Variants in ZKSCAN3 observed in about 807,000 individuals in gnomAD.
The protein encoded by ZKSCAN3 is zinc finger with KRAB and SCAN domains 3.
Under a neutral mutation model 30.7 loss-of-function variants are expected in ZKSCAN3, and 21 were observed. The ratio of observed to expected loss-of-function variants is 0.68; its 90% CI spans 0.49 to 0.99. ZKSCAN3 has a LOEUF of 0.99. ZKSCAN3 is among the 50% of genes least tolerant of loss of function. The pLI is 0.00. For missense variants in ZKSCAN3, 507 were observed against 647.1 expected (o/e 0.78, Z 2.35); for synonymous variants, 201 against 246.7 (o/e 0.81, Z 1.73).
At chr6:28,361,061 G>C (rs1220707447) in intron 2 of ZKSCAN3, among the ~76,000 whole-genome samples, 1 of 152,134 alleles carries the variant, frequency 6.6e-6, no homozygotes, top group Non-Finnish European at 1.5e-5. Context: ...GGAGCATAGA[G>C]TAATGATAAG....
Position 28,365,502 on chromosome 6 carries a change from G to C in ZKSCAN3, c.834G>C (p.Ser278=). ...ELPEKEHGKI[S]CHLREDIAQI... Reference sequence around the variant, plus strand: ...CAGAAAAGGAGCATGGGAAGATATCGTGCCACCTGAGAGAAGACATTGCCC... The same window carrying C: ...CAGAAAAGGAGCATGGGAAGATATCCTGCCACCTGAGAGAAGACATTGCCC... The change falls in exon 6 of 6, where the codon TCG becomes TCC. Residue 278 remains serine, a synonymous_variant. Coordinates refer to ENST00000252211, the MANE Select transcript of ZKSCAN3 (RefSeq NM_024493.4). 1 of 1,609,786 alleles carries C rather than the reference G, an allele frequency of 6.2e-7. No individual in the cohort carries two copies.
chr6:28,361,074 C>T (rs1037766749), intron 2 of ZKSCAN3, among the ~76,000 whole-genome samples: 20 of 152,128 alleles, frequency 1.3e-4, no homozygotes, highest in Non-Finnish European at 8.8e-5. Context: ...ATGATAAGAA[C>T]GTGTGCTCTG....
intron 1 of ZKSCAN3, among the ~76,000 whole-genome samples, chr6:28,357,179 C>A (rs1346672387): frequency 6.6e-6 from 1 of 152,246 alleles, no homozygotes; most frequent in Non-Finnish European, 1.5e-5. Flanking sequence ...GCGCTCCAAT[C>A]CTGCTGAGTC....
At chr6:28,361,552 T>C in intron 3 of ZKSCAN3, 81 bp downstream of exon 3, 3 of 1,497,542 alleles carry the variant, frequency 2.0e-6, no homozygotes, top group Non-Finnish European at 2.7e-6. Flanking sequence ...AATTCATTGA[T>C]AGGGGGCTTA....
intron 1 of ZKSCAN3, among the ~76,000 whole-genome samples, chr6:28,357,737 G>A (rs1003217047): frequency 1.3e-5 from 2 of 152,208 alleles, no homozygotes; most frequent in Non-Finnish European, 2.9e-5. Flanking sequence ...GGCAGATTGA[G>A]GAGGTGGCAA....
Position 28,366,423 on chromosome 6 carries a change from G to T in ZKSCAN3, c.*138G>T. ...ATCAGGTGTTAGAAAATGTAGACTG[G>T]GTTAGACAAATTATCTTCTAAGTTC... On this transcript the variant is annotated 3_prime_UTR_variant, in exon 6 of 6. Coordinates refer to ENST00000252211, the MANE Select transcript of ZKSCAN3 (RefSeq NM_024493.4). 1.0e-6 allele frequency: 1 copy of T among 967,622 alleles called. No homozygotes were observed. The highest frequency in any genetic ancestry group is 1.4e-6 in the Non-Finnish European group (1 of 695,690). The allele number at this position is 967,622 out of a possible 1,614,324, so 59.9% of individuals were successfully genotyped here. A position where few individuals can be genotyped will look rare whatever the true frequency, so the allele number is the denominator to read the frequency against.
Position 28,365,375 on chromosome 6 carries a change from A to G in ZKSCAN3, c.758-51A>G, listed in dbSNP as rs779224810. ...CTTGCCTCCCTGGTACTCATCACAG[A>G]GCTTTCCTTCCATGGCATAAGCCAC... On this transcript the variant is annotated intron_variant, in intron 5 of 5. Coordinates refer to ENST00000252211, the MANE Select transcript of ZKSCAN3 (RefSeq NM_024493.4). 14 of 1,562,120 alleles carry G rather than the reference A, an allele frequency of 9.0e-6. No individual in the cohort carries two copies. In the East Asian group the frequency reaches 3.1e-4, roughly 35 times the overall value.
Position 28,366,957 on chromosome 6 carries a change from C to G in ZKSCAN3, c.*672C>G, listed in dbSNP as rs1765992644. On this transcript the variant is annotated 3_prime_UTR_variant, in exon 6 of 6. Coordinates refer to ENST00000252211, the MANE Select transcript of ZKSCAN3 (RefSeq NM_024493.4). ...TTGGAGACGTAGTCTTGCTCTGTCG[C>G]CCAGGCTGGAGTGCAGTGGCACAAT... is the stretch of plus-strand genomic sequence containing the variant. 6.6e-6 allele frequency: 1 copy of G among 152,206 alleles called. No homozygotes were observed. The highest frequency in any genetic ancestry group is 1.5e-5 in the Non-Finnish European group (1 of 68,144). The allele number at this position is 152,206 out of a possible 1,614,324, so 9.4% of individuals were successfully genotyped here.
chr6:28,358,899 G>GAAAAAAAAAAAAAA (rs201554097), intron 1 of ZKSCAN3, among the ~76,000 whole-genome samples: 2 of 106,076 alleles, frequency 1.9e-5, no homozygotes, highest in Non-Finnish European at 2.0e-5. Flanking sequence ...AAACAAATAA[G>GAAAAAAAAAAAAAA]AAAAAAAAAA....
rs1278828385 is a variant in ZKSCAN3, at chr6:28,352,958, CTTTT to C, written c.-63+2893_-63+2896del. Among the ~76,000 whole-genome samples, 604 of 138,470 alleles carry C rather than the reference CTTTT, an allele frequency of 4.4e-3. 6 individuals carry two copies. Among genetic ancestry groups the C allele is most frequent in the African/African-American group, 0.015 (540 of 35,132 alleles). The allele number at this position is 138,470 out of a possible 152,430, so 90.8% of individuals were successfully genotyped here. Reference sequence around the variant, plus strand: ...ACCAGCCTTACATTTCTTTTCTTTTCTTTTTCTTTTTTTTTTTTTTTTTGAGGCA... The same window carrying C: ...ACCAGCCTTACATTTCTTTTCTTTTCTCTTTTTTTTTTTTTTTTTGAGGCA... On this transcript the variant is annotated intron_variant, in intron 1 of 5. Coordinates refer to ENST00000252211, the MANE Select transcript of ZKSCAN3 (RefSeq NM_024493.4).
intron 5 of ZKSCAN3, among the ~76,000 whole-genome samples, 175 bp from the exon 6 acceptor site, chr6:28,365,250 AG>A (rs1049925499): frequency 2.0e-5 from 3 of 152,008 alleles, no homozygotes; most frequent in Admixed American, 1.3e-4. Context: ...TCCCATTCTT[AG>A]GTCTCTCTCC....
intron 2 of ZKSCAN3, chr6:28,360,588 T>A (rs1159147010): frequency 1.1e-5 from 11 of 982,156 alleles, no homozygotes; most frequent in Non-Finnish European, 1.3e-5. Flanking sequence ...CTCCATGTTC[T>A]TCCCTGTTTT....
intron 3 of ZKSCAN3, 125 bp downstream of exon 3, chr6:28,361,596 T>C (rs1022794920): frequency 1.1e-4 from 119 of 1,103,176 alleles, no homozygotes; most frequent in South Asian, 4.2e-4. Flanking sequence ...CATTTAAGAC[T>C]GAGACTAAAA....
rs533521511 is a variant in ZKSCAN3, at chr6:28,361,407, A to G, written c.486A>G (p.Gln162=). 2.5e-6 allele frequency: 4 copies of G among 1,614,072 alleles called. No individual in the cohort carries two copies. The highest frequency in any genetic ancestry group is 1.3e-5 in the African/African-American group (1 of 75,046). ...CAGCCCCAGGGTCACAAAGTAGCCA[A>G]TTTCAGCTAATGAAGGCTCTGCTCA... is the stretch of plus-strand genomic sequence containing the variant. The part of the protein sequence containing the change: ...LTPAPGSQSS[Q]FQLMKALLKH... The change falls in exon 3 of 6, where the codon CAA becomes CAG. Residue 162 remains glutamine, a synonymous_variant. Transcript: ENST00000252211.
chr6:28,359,805 G>A lies in ZKSCAN3; in HGVS notation c.219G>A (p.Gln73=), dbSNP rs1482378041. 1.2e-6 allele frequency: 2 copies of A among 1,614,232 alleles called. No individual in the cohort carries two copies. The highest frequency in any genetic ancestry group is 1.1e-5 in the South Asian group (1 of 91,090). ...GTCGGCTCCGAGAGCTCTGCCGACA[G>A]TGGCTGCAGCCTGAGATGCACAGCA... The part of the protein sequence containing the change: ...ALSRLRELCR[Q]WLQPEMHSKE... The change falls in exon 2 of 6, where the codon CAG becomes CAA. Residue 73 remains glutamine (Q), a synonymous_variant. Coordinates refer to ENST00000252211, the MANE Select transcript of ZKSCAN3 (RefSeq NM_024493.4).
At chr6:28,355,003 G>A (rs182009693) in intron 1 of ZKSCAN3, among the ~76,000 whole-genome samples, 15 of 152,286 alleles carry the variant, frequency 9.8e-5, no homozygotes, top group African/African-American at 3.6e-4. Context: ...CAAACCATAG[G>A]GTGTTGGTAC....
rs1257516907 is a variant in ZKSCAN3, at chr6:28,359,992, G to A, written c.402+4G>A. On this transcript the variant is annotated splice_donor_region_variant and intron_variant, in intron 2 of 5. Coordinates refer to ENST00000252211, the MANE Select transcript of ZKSCAN3 (RefSeq NM_024493.4). ...GCTGGATGAGCCGGCGCCGCAGGTAGAAAGAACAGGTTTAGTATCTGAGCG... is the reference window on the plus strand; with the variant it reads ...GCTGGATGAGCCGGCGCCGCAGGTAAAAAGAACAGGTTTAGTATCTGAGCG... The A allele has an allele frequency of 1.9e-6, 3 of 1,614,162 alleles. No homozygotes were observed. Among genetic ancestry groups the A allele is most frequent in the Non-Finnish European group, 1.7e-6 (2 of 1,180,032 alleles).
chr6:28,364,861 G>T (rs992006479), intron 5 of ZKSCAN3, among the ~76,000 whole-genome samples: 1 of 152,106 alleles, frequency 6.6e-6, no homozygotes, highest in African/African-American at 2.4e-5. Flanking sequence ...CTGAGTAGCT[G>T]GGATTATAGG....
At chr6:28,352,513 T>C (rs747720470) in intron 1 of ZKSCAN3, among the ~76,000 whole-genome samples, 1 of 152,052 alleles carries the variant, frequency 6.6e-6, no homozygotes, top group Non-Finnish European at 1.5e-5. Context: ...CCTCCCAAAG[T>C]GCTGGGATTA....
Sources: allele counts gnomAD v4.1 joint callset (sites outside exome capture counted in the v4.1 genomes callset), GRCh38; gene constraint gnomAD v4.1.1; transcripts MANE v1.5; gene names NCBI Gene and HGNC (gene_info 2026-07-23, HGNC 2026-07-21).